F8: variants seen among roughly 807,000 people sequenced by gnomAD.
The protein encoded by F8 is coagulation factor VIII, also known as antihemophilic factor.
A neutral mutation model predicts 140.6 loss-of-function variants in F8; 12 were observed. The ratio of observed to expected loss-of-function variants is 0.09; its 90% CI spans 0.05 to 0.14. The LOEUF (loss-of-function observed/expected upper bound fraction) is 0.14. Among genes scored for constraint, F8 ranks in the 10% least tolerant of loss-of-function variants. The pLI, the probability that F8 is intolerant of heterozygous loss-of-function variation, is 1.00. For synonymous variants in F8, 585 were observed against 614.6 expected (o/e 0.95, Z 0.71); for missense variants, 1,354 against 1,720.7 (o/e 0.79, Z 3.77).
chrX:154,859,063 C>T (rs1315412175), intron 25 of F8, among the ~76,000 whole-genome samples: 1 of 111,738 alleles, frequency 8.9e-6, no homozygotes, highest in Non-Finnish European at 1.9e-5. Context: ...ACTGAGTCTT[C>T]CCCAAGTAAG....
intron 22 of F8, among the ~76,000 whole-genome samples, chrX:154,894,006 C>G (rs1172592338): frequency 1.8e-5 from 2 of 111,957 alleles, no homozygotes; most frequent in East Asian, 5.6e-4. Context: ...TTTATCTTAA[C>G]CTGAACATTC....
intron 22 of F8, among the ~76,000 whole-genome samples, chrX:154,892,378 C>T (rs1557275230): frequency 8.9e-6 from 1 of 112,302 alleles, no homozygotes; most frequent in African/African-American, 3.2e-5. Flanking sequence ...GGTAATGCTA[C>T]GTTTGTTGCC....
intron 13 of F8, among the ~76,000 whole-genome samples, chrX:154,942,645 G>C (rs1231594516): frequency 2.7e-5 from 3 of 111,311 alleles, no homozygotes; most frequent in African/African-American, 9.8e-5. Flanking sequence ...GAAAAAGAGG[G>C]AATCCTCCTG....
rs202031977 is a variant in F8, at chrX:155,015,310, GA to G, written c.143+7099del. Among the ~76,000 whole-genome samples, 141 of 110,725 alleles carry G rather than the reference GA, an allele frequency of 1.3e-3. 1 individual carries two copies. The East Asian group carries it at 0.024, about 19-fold the overall frequency. On this transcript the variant is annotated intron_variant, in intron 1 of 25. Coordinates refer to ENST00000360256, the MANE Select transcript of F8 (RefSeq NM_000132.4). The stretch of plus-strand genomic sequence containing the variant: ...TGGGCAAAGATTTCCTAGGACAGGG[GA>G]AAAAAAAGCATGAATCATAGAAGAA...
Position 154,867,468 on chromosome X carries a change from T to C in F8, c.6430-4241A>G, listed in dbSNP as rs782732845. On this transcript the variant is annotated intron_variant, in intron 22 of 25. Coordinates refer to ENST00000360256, the MANE Select transcript of F8 (RefSeq NM_000132.4). ...TGGGAGGCTGAAGCAGGCAAATCAC[T>C]TGAGGTCAGGAATTCGAGACCAGCC... 4.8e-4 allele frequency among the ~76,000 whole-genome samples: 52 copies of C among 109,347 alleles called. No homozygotes were observed. The South Asian group carries it at 0.02, about 42-fold the overall frequency. 95.0% of individuals were successfully genotyped at this position (109,347 alleles called of 115,157 possible). A position where few individuals can be genotyped will look rare whatever the true frequency, so the allele number is the denominator to read the frequency against.
intron 25 of F8, among the ~76,000 whole-genome samples, chrX:154,847,674 T>C (rs1557271856): frequency 8.9e-6 from 1 of 111,746 alleles, no homozygotes; most frequent in African/African-American, 3.3e-5. Flanking sequence ...TTATTCTAGT[T>C]AGCCATTCAT....
At chrX:154,875,834 G>C (rs2072808303) in intron 22 of F8, among the ~76,000 whole-genome samples, 1 of 110,109 alleles carries the variant, frequency 9.1e-6, no homozygotes, top group Non-Finnish European at 1.9e-5. Flanking sequence ...ATGAATTAAT[G>C]AGACACGTTA....
At chrX:155,002,612 TACACACACACACAC>T (rs368675926) in intron 1 of F8, among the ~76,000 whole-genome samples, 61 of 98,631 alleles carry the variant, frequency 6.2e-4, no homozygotes, top group Admixed American at 5.1e-3. Flanking sequence ...GGCATATATT[TACACACACACACAC>T]ACACACACAC....
intron 6 of F8, among the ~76,000 whole-genome samples, chrX:154,979,000 T>G (rs1557283267): frequency 9.0e-6 from 1 of 111,427 alleles, no homozygotes; most frequent in African/African-American, 3.3e-5. Context: ...GTGCTTGTCT[T>G]TGGTGTACCA....
At chrX:154,934,969 C>T (rs1394940449) in intron 13 of F8, among the ~76,000 whole-genome samples, 1 of 110,372 alleles carries the variant, frequency 9.1e-6, no homozygotes, top group Non-Finnish European at 1.9e-5. Flanking sequence ...TCAAGACCAG[C>T]CTGGGCAACA....
In F8 at chrX:154,857,389, G is replaced by A. The variant is rs150781564; in HGVS notation, c.6900+3043C>T. Among the ~76,000 whole-genome samples, 378 of 111,989 alleles carry A rather than the reference G, an allele frequency of 3.4e-3. 1 individual carries two copies. Among genetic ancestry groups the A allele is most frequent in the African/African-American group, 0.012 (372 of 30,866 alleles). On this transcript the variant is annotated intron_variant, in intron 25 of 25. Transcript: ENST00000360256. ...AAGAAGTAGCCCAAATGTCCATGGTGCCTGTTTCTGCTACCCTGCCTTCTC... is the reference window on the plus strand; with the variant it reads ...AAGAAGTAGCCCAAATGTCCATGGTACCTGTTTCTGCTACCCTGCCTTCTC...
At chrX:154,940,754 A>G (rs970501946) in intron 13 of F8, among the ~76,000 whole-genome samples, 1 of 112,044 alleles carries the variant, frequency 8.9e-6, no homozygotes, top group Non-Finnish European at 1.9e-5. Flanking sequence ...AATGTTAAGG[A>G]CAGCCAGACA....
rs1557281939 is a variant in F8 at position 154,965,958 on chromosome X, T to C, written c.1443+12A>G. ...TCTTCTTACCTGACCTTAAATCTTT[T>C]CTTCAACTTACCAACAGTGTGTCTC... On this transcript the variant is annotated intron_variant, in intron 9 of 25. Coordinates refer to ENST00000360256, the MANE Select transcript of F8 (RefSeq NM_000132.4). 2.1e-5 allele frequency: 25 copies of C among 1,210,371 alleles called. No individual in the cohort carries two copies. The highest frequency in any genetic ancestry group is 2.7e-5 in the Non-Finnish European group (24 of 894,257).
chrX:155,012,921 C>A (rs902371504), intron 1 of F8, among the ~76,000 whole-genome samples: 5 of 109,334 alleles, frequency 4.6e-5, no homozygotes, highest in Non-Finnish European at 9.5e-5. Context: ...CCGAGGTGGG[C>A]GGATCATGAG....
At chrX:154,921,226 A>G (rs1557277536) in intron 14 of F8, among the ~76,000 whole-genome samples, 1 of 112,436 alleles carries the variant, frequency 8.9e-6, no homozygotes, top group African/African-American at 3.2e-5. Context: ...AAGGATATGA[A>G]CAGACACTTC....
chrX:154,849,007 G>T (rs1299147983), intron 25 of F8, among the ~76,000 whole-genome samples: 1 of 111,568 alleles, frequency 9.0e-6, no homozygotes, highest in African/African-American at 3.3e-5. Context: ...CATGTTAATT[G>T]TTCTATTTCT....
intron 14 of F8, among the ~76,000 whole-genome samples, chrX:154,923,895 C>T (rs950862134): frequency 2.7e-5 from 3 of 111,443 alleles, no homozygotes; most frequent in Non-Finnish European, 5.7e-5. Context: ...TCACTTGAAC[C>T]CGGGAGGTGG....
intron 22 of F8, 82 bp downstream of exon 22, chrX:154,895,995 T>C: frequency 2.1e-6 from 2 of 953,908 alleles, no homozygotes; most frequent in Non-Finnish European, 3.0e-6. Context: ...TTGTGGAAGC[T>C]AAGAGTGTTT....
chrX:154,904,439 G>A lies in F8; in HGVS notation c.5672C>T (p.Thr1891Ile). The change falls in exon 17 of 26, where the codon ACA (threonine) becomes ATA (isoleucine). Residue 1891 changes from threonine (T) to isoleucine (I), a missense_variant. Physicochemically the swap from Thr to Ile is moderately conservative, Grantham distance 89. Transcript: ENST00000360256. ...TLNPAHGRQV[T>I]VQEFALFFTI... ...GAAAAACAGAGCAAATTCCTGTACT[G>A]TCACTTGTCTCCCATGAGCAGGGTT... 1 of 1,211,595 alleles carries A rather than the reference G, an allele frequency of 8.3e-7. No individual in the cohort carries two copies. Among genetic ancestry groups the A allele is most frequent in the Non-Finnish European group, 1.1e-6 (1 of 895,282 alleles).
Sources: gnomAD v4.1 joint callset for allele counts (sites outside exome capture counted in the v4.1 genomes callset) on GRCh38, gnomAD v4.1.1 for gene constraint, MANE v1.5 for transcripts, NCBI Gene and HGNC (gene_info 2026-07-23, HGNC 2026-07-21) for gene names.